DYSF: variants seen among roughly 807,000 people sequenced by gnomAD.
The protein encoded by DYSF is dysferlin.
In DYSF, 212 loss-of-function variants were observed where a neutral mutation model predicts 274.9. The observed-to-expected ratio is 0.77, with a 90% CI of 0.69 to 0.86. The LOEUF (loss-of-function observed/expected upper bound fraction) is 0.86. Ranked by LOEUF, DYSF falls within the 40% of genes least tolerant of loss-of-function variation. The pLI, the probability that DYSF is intolerant of heterozygous loss-of-function variation, is 0.00. For missense variants in DYSF, 2,666 were observed against 2,783.2 expected, an observed-to-expected ratio of 0.96 and a Z score of 0.95; for synonymous variants, 1,091 against 1,078.7, an observed-to-expected ratio of 1.01 and a Z score of -0.22.
At position 71,667,460 on chromosome 2, in the gene DYSF, C is replaced by T. The variant is rs371189093; in HGVS notation, c.5402C>T (p.Pro1801Leu). 1.2e-5 allele frequency: 19 copies of T among 1,614,026 alleles called. No homozygotes were observed. The highest frequency in any genetic ancestry group is 6.6e-5 in the South Asian group (6 of 91,084). ...LHVLQQQGLV[P>L]EHVESRPLYS... is the part of the protein sequence containing the mutation. ...GTGCTTCAGCAGCAGGGCCTGGTCC[C>T]GGAGCACGTGGAGTCACGGCCCCTC... is the stretch of plus-strand genomic sequence containing the variant. Residue 1801 changes from proline (P) to leucine (L), a missense_variant, in exon 48 of 56, where the codon CCG becomes CTG. By Grantham distance (98) the Pro-to-Leu change is moderately conservative (BLOSUM62 -3). This residue lies in a region of DYSF where 1,460 missense variants were observed against 1,502.1 expected (regional missense o/e 0.97). Coordinates refer to ENST00000410020, the MANE Select transcript of DYSF (RefSeq NM_001130987.2).
intron 42 of DYSF, among the ~76,000 whole-genome samples, chr2:71,654,238 T>G (rs2434043): frequency 2.6e-5 from 4 of 152,034 alleles, no homozygotes; most frequent in Non-Finnish European, 5.9e-5. Flanking sequence ...AAGCTAAAAA[T>G]GGGTGAAAGT....
intron 17 of DYSF, among the ~76,000 whole-genome samples, chr2:71,548,286 A>C (rs905497236): frequency 4.6e-5 from 7 of 152,162 alleles, no homozygotes; most frequent in African/African-American, 1.7e-4. Flanking sequence ...GTCTTTGTGC[A>C]TTCTTCCTTC....
chr2:71,509,726 G>C (rs1212940793), intron 4 of DYSF, among the ~76,000 whole-genome samples: 1 of 152,010 alleles, frequency 6.6e-6, no homozygotes, highest in African/African-American at 2.4e-5. Flanking sequence ...GCTCTTGAAA[G>C]TTGGCTTCTG....
At chr2:71,549,273 C>T in intron 17 of DYSF, 2 of 1,443,388 alleles carry the variant, frequency 1.4e-6, no homozygotes, top group Non-Finnish European at 9.6e-7. Context: ...AGCTCTCCAT[C>T]CACAGCCTGT....
intron 14 of DYSF, among the ~76,000 whole-genome samples, chr2:71,530,730 A>G (rs13404803): frequency 0.077 from 11,757 of 152,142 alleles, 708 homozygotes; most frequent in African/African-American, 0.17. Flanking sequence ...TCTCTGCCCT[A>G]AGCCACCTCC....
chr2:71,568,130 C>T, intron 25 of DYSF, 42 bp from the exon 26 acceptor site: 2 of 1,614,222 alleles, frequency 1.2e-6, no homozygotes, highest in Non-Finnish European at 1.7e-6. Context: ...CCTGGAGCTG[C>T]CTTGGCCCCC....
At chr2:71,644,774 T>C (rs185453306) in intron 42 of DYSF, among the ~76,000 whole-genome samples, 32 of 152,346 alleles carry the variant, frequency 2.1e-4, no homozygotes, top group African/African-American at 7.5e-4. Flanking sequence ...AGTTGCATGG[T>C]CTCCTGGCTA....
At chr2:71,457,081 A>C (rs934096414) in intron 1 of DYSF, among the ~76,000 whole-genome samples, 1 of 152,218 alleles carries the variant, frequency 6.6e-6, no homozygotes, top group Non-Finnish European at 1.5e-5. Flanking sequence ...AAAGCATACC[A>C]TTGTCAGGTG....
chr2:71,497,408 A>G (rs188235648), intron 3 of DYSF, among the ~76,000 whole-genome samples: 44 of 152,252 alleles, frequency 2.9e-4, no homozygotes, highest in African/African-American at 1.0e-3. Context: ...GGGGACAGTT[A>G]TCTTCACCCG....
intron 3 of DYSF, among the ~76,000 whole-genome samples, chr2:71,502,538 C>G (rs558952688): frequency 6.6e-6 from 1 of 152,276 alleles, no homozygotes; most frequent in East Asian, 1.9e-4. Context: ...GCTTCCTCTG[C>G]TCTCTTTGAA....
In DYSF at chr2:71,679,076, C is replaced by A; in HGVS notation, c.5904C>A (p.Leu1968=). The change falls in exon 53 of 56, where the codon CTC becomes CTA. Residue 1968 remains leucine (L), a synonymous_variant. Transcript: ENST00000410020. The part of the protein sequence containing the change: ...DDFLGSLQLD[L]NRMPKPAKTA... ...TTGCAGGCTCCCTGCAGCTCGATCT[C>A]AACCGCATGCCCAAGCCAGCCAAGA... The A allele has an allele frequency of 6.2e-7, 1 of 1,614,010 alleles. No homozygotes were observed. Among genetic ancestry groups the A allele is most frequent in the South Asian group, 1.1e-5 (1 of 91,080 alleles).
chr2:71,631,329 T>G (rs2152908635), intron 41 of DYSF, among the ~76,000 whole-genome samples: 2 of 152,348 alleles, frequency 1.3e-5, no homozygotes, highest in Middle Eastern at 3.4e-3. Flanking sequence ...AGGAAGTCAC[T>G]TATCTTTTCC....
intron 29 of DYSF, among the ~76,000 whole-genome samples, chr2:71,572,972 G>A (rs186415401): frequency 6.6e-5 from 10 of 152,330 alleles, no homozygotes; most frequent in South Asian, 4.1e-4. Flanking sequence ...ATGAGCACAC[G>A]CAAGCACATG....
chr2:71,599,190 T>C, intron 33 of DYSF, among the ~76,000 whole-genome samples: 1 of 152,054 alleles, frequency 6.6e-6, no homozygotes, highest in East Asian at 1.9e-4. Context: ...AGAGCACGGG[T>C]CCCCGAGTGC....
chr2:71,610,662 C>T (rs1436720631), intron 36 of DYSF: 3 of 158,390 alleles, frequency 1.9e-5, no homozygotes, highest in Admixed American at 5.6e-5. Flanking sequence ...TCTCCCATTG[C>T]TCAGTTGTTC....
At chr2:71,623,663 A>G (rs1267632287) in intron 41 of DYSF, among the ~76,000 whole-genome samples, 1 of 152,168 alleles carries the variant, frequency 6.6e-6, no homozygotes, top group South Asian at 2.1e-4. Flanking sequence ...TTTGATGAGA[A>G]CTTAACGATA....
chr2:71,542,587 G>C lies in DYSF; in HGVS notation c.1576+3348G>C, dbSNP rs190295864. 9.7e-3 allele frequency among the ~76,000 whole-genome samples: 1,478 copies of C among 152,278 alleles called. 24 individuals are homozygous for C. Among genetic ancestry groups the C allele is most frequent in the African/African-American group, 0.034 (1,418 of 41,550 alleles). The stretch of plus-strand genomic sequence containing the variant: ...AGTGGTGATGACTCTTATGGAGCAT[G>C]CTGCCTTCAAGCATCTGTTTAACAA... On this transcript the variant is annotated intron_variant, in intron 17 of 55. Transcript: ENST00000410020.
At chr2:71,512,979 G>A (rs1284430919) in intron 5 of DYSF, among the ~76,000 whole-genome samples, 1 of 152,170 alleles carries the variant, frequency 6.6e-6, no homozygotes, top group East Asian at 1.9e-4. Flanking sequence ...GTGGGGAGCA[G>A]GGAGGGTCCG....
intron 1 of DYSF, among the ~76,000 whole-genome samples, chr2:71,467,343 T>C (rs900881246): frequency 2.6e-5 from 4 of 152,034 alleles, no homozygotes; most frequent in African/African-American, 9.7e-5. Flanking sequence ...TCTTTTTTCA[T>C]TCATTCATTC....
Sources: allele counts gnomAD v4.1 joint callset (sites outside exome capture counted in the v4.1 genomes callset), GRCh38; gene constraint gnomAD v4.1.1; regional missense constraint gnomAD v4.1.1; transcripts MANE v1.5; gene names NCBI Gene and HGNC (gene_info 2026-07-23, HGNC 2026-07-21).